AVEN: variants seen among roughly 807,000 people sequenced by gnomAD.
AVEN encodes apoptosis and caspase activation inhibitor, also known as cell death regulator Aven.
AVEN carries 41 observed loss-of-function variants against 38.1 expected under a neutral mutation model. That is an observed-to-expected ratio of 1.08 (90% CI 0.84 to 1.40). The LOEUF is 1.40. AVEN is among the 40% of genes most tolerant of loss of function. The probability of loss-of-function intolerance (pLI) is 0.00; values close to 1 mark genes in which losing one functional copy is unlikely to be tolerated. For missense variants in AVEN, 605 were observed against 438.8 expected (o/e 1.38, Z -3.38); for synonymous variants, 206 against 171.8 (o/e 1.20, Z -1.56).
chr15:33,965,782 C>T (rs1274521869), intron 2 of AVEN, among the ~76,000 whole-genome samples: 2 of 152,198 alleles, frequency 1.3e-5, no homozygotes, highest in East Asian at 3.9e-4. Context: ...CCTCCTCCTC[C>T]TCATATTTAG....
At chr15:33,875,810 A>T in intron 3 of AVEN, 115 bp downstream of exon 3, 2 of 985,766 alleles carry the variant, frequency 2.0e-6, no homozygotes, top group Non-Finnish European at 1.5e-6. Context: ...CTGAGGGTAC[A>T]CTGTAAGAAT....
chr15:34,064,285 T>C, intron 4 of AVEN: 1 of 1,613,892 alleles, frequency 6.2e-7, no homozygotes, highest in Non-Finnish European at 8.5e-7. Context: ...GAAGAGAAGT[T>C]GTACTGGCAG....
chr15:33,903,769 T>TAC (rs1892580210), intron 2 of AVEN, among the ~76,000 whole-genome samples: 1 of 152,228 alleles, frequency 6.6e-6, no homozygotes, highest in Non-Finnish European at 1.5e-5. Flanking sequence ...TATGTGTATA[T>TAC]ACAGTCATGC....
At chr15:34,010,456 T>C (rs1045090998) in intron 1 of AVEN, among the ~76,000 whole-genome samples, 2 of 152,108 alleles carry the variant, frequency 1.3e-5, no homozygotes, top group African/African-American at 2.4e-5. Context: ...AGACAACAGA[T>C]CCTATTTAAA....
chr15:33,852,953 C>T, the AVEN span: 2 of 1,106,276 alleles, frequency 1.8e-6, no homozygotes, highest in Admixed American at 4.2e-5. Flanking sequence ...CCAGAAAGAT[C>T]CCAGATCCAG....
At chr15:33,859,809 G>T in intron 11 of AVEN, 1 of 1,416,182 alleles carries the variant, frequency 7.1e-7, no homozygotes. Flanking sequence ...TGACTTAATT[G>T]GTTTATGAAG....
At chr15:33,855,348 C>CGTG, downstream of AVEN, among the ~76,000 whole-genome samples, 1 of 152,172 alleles carries the variant, frequency 6.6e-6, no homozygotes, top group Non-Finnish European at 1.5e-5. Context: ...GGATTACAGG[C>CGTG]ACATGCCACC....
intron 5 of AVEN, among the ~76,000 whole-genome samples, chr15:34,046,343 GAAA>G (rs56286203): frequency 7.1e-6 from 1 of 141,434 alleles, no homozygotes. Context: ...AGTGAGGCAG[GAAA>G]AAAAAAAAAA....
At chr15:33,953,521 A>G (rs910868780) in intron 2 of AVEN, among the ~76,000 whole-genome samples, 1 of 152,212 alleles carries the variant, frequency 6.6e-6, no homozygotes, top group African/African-American at 2.4e-5. Context: ...CAAACCTGAC[A>G]AAAACAAGCA....
chr15:33,899,941 T>A (rs1892419561), intron 2 of AVEN, among the ~76,000 whole-genome samples: 1 of 152,116 alleles, frequency 6.6e-6, no homozygotes, highest in East Asian at 1.9e-4. Context: ...GTTCAGTTTT[T>A]TTTTTTTTCA....
chr15:33,976,493 G>A (rs1054699714), intron 2 of AVEN, among the ~76,000 whole-genome samples: 6 of 152,112 alleles, frequency 3.9e-5, no homozygotes, highest in South Asian at 2.1e-4. Context: ...TGCCATGCCC[G>A]CATCAGATTT....
chr15:33,976,883 T>G (rs1371155206), intron 2 of AVEN, among the ~76,000 whole-genome samples: 1 of 152,100 alleles, frequency 6.6e-6, no homozygotes, highest in East Asian at 1.9e-4. Context: ...TTTCTTCCCA[T>G]CCCTGAGTCA....
At chr15:33,981,785 C>T (rs73383763) in intron 2 of AVEN, among the ~76,000 whole-genome samples, 23,995 of 152,044 alleles carry the variant, frequency 0.16, 2,279 homozygotes, top group South Asian at 0.33. Context: ...TGAATTTAAA[C>T]AAAATGTATA....
chr15:34,049,888 CT>C (rs61235689), intron 5 of AVEN, among the ~76,000 whole-genome samples: 2,240 of 137,020 alleles, frequency 0.016, 38 homozygotes, highest in Admixed American at 0.051. Context: ...TCAACATCAA[CT>C]TTTTTTTTTT....
chr15:33,877,237 C>T (rs1385618505), intron 2 of AVEN, among the ~76,000 whole-genome samples: 1 of 152,160 alleles, frequency 6.6e-6, no homozygotes, highest in Non-Finnish European at 1.5e-5. Flanking sequence ...CCAATCTTCT[C>T]ATCTAAATAA....
chr15:33,902,521 G>A (rs914572967), intron 2 of AVEN, among the ~76,000 whole-genome samples: 1 of 152,172 alleles, frequency 6.6e-6, no homozygotes, highest in Non-Finnish European at 1.5e-5. Context: ...CTAAGATCCA[G>A]TACAAGGCAG....
chr15:33,922,365 G>A (rs1019926225), intron 2 of AVEN, among the ~76,000 whole-genome samples: 22 of 152,166 alleles, frequency 1.4e-4, no homozygotes, highest in African/African-American at 5.1e-4. Flanking sequence ...AGGACTACTC[G>A]TATTCCTGAA....
At chr15:33,881,772 T>C (rs1252563389) in intron 2 of AVEN, among the ~76,000 whole-genome samples, 2 of 152,206 alleles carry the variant, frequency 1.3e-5, no homozygotes, top group Non-Finnish European at 2.9e-5. Flanking sequence ...TTAAGTAAGA[T>C]AGCAAGGGGT....
intron 2 of AVEN, among the ~76,000 whole-genome samples, chr15:33,891,664 A>G (rs1848121637): frequency 1.3e-5 from 2 of 152,162 alleles, no homozygotes; most frequent in South Asian, 4.1e-4. Context: ...AGTCTTTGCT[A>G]TTGTGAACAG....
Sources: allele counts gnomAD v4.1 joint callset (sites outside exome capture counted in the v4.1 genomes callset), GRCh38; gene constraint gnomAD v4.1.1; transcripts MANE v1.5; gene names NCBI Gene and HGNC (gene_info 2026-07-23, HGNC 2026-07-21).